The following HSD17B11 variants were observed in gnomAD, a reference collection of about 807,000 sequenced individuals.
HSD17B11 encodes the protein estradiol 17-beta-dehydrogenase 11.
HSD17B11 carries 22 observed loss-of-function variants against 27.8 expected under a neutral mutation model. The ratio of observed to expected loss-of-function variants is 0.79; its 90% CI spans 0.56 to 1.13. The LOEUF (loss-of-function observed/expected upper bound fraction) is 1.13. HSD17B11 is among the 50% of genes most tolerant of loss of function. The probability of loss-of-function intolerance (pLI) is 0.00; values close to 1 mark genes in which losing one functional copy is unlikely to be tolerated. For missense variants in HSD17B11, 314 were observed against 351.1 expected, an observed-to-expected ratio of 0.89 and a Z score of 0.84; for synonymous variants, 117 against 132.8, an observed-to-expected ratio of 0.88 and a Z score of 0.82.
chr4:87,391,149 C>G lies in HSD17B11; in HGVS notation c.-79G>C. Reference sequence around the variant, plus strand: ...AACTGCTTTTAGAGGGTAGCTCGATCTAACACCAGAAAGAGTAGGGGCGAG... The same window carrying G: ...AACTGCTTTTAGAGGGTAGCTCGATGTAACACCAGAAAGAGTAGGGGCGAG... On this transcript the variant is annotated 5_prime_UTR_variant, in exon 1 of 7. Coordinates refer to ENST00000358290, the MANE Select transcript of HSD17B11 (RefSeq NM_016245.5). 5 of 1,033,982 alleles carry G rather than the reference C, an allele frequency of 4.8e-6. No homozygotes were observed. Among genetic ancestry groups the G allele is most frequent in the Non-Finnish European group, 7.1e-6 (5 of 706,850 alleles). 64.1% of individuals were successfully genotyped at this position (1,033,982 alleles called of 1,614,324 possible).
chr4:87,380,110 C>CAAAA (rs201265561), intron 2 of HSD17B11, among the ~76,000 whole-genome samples: 1 of 119,150 alleles, frequency 8.4e-6, no homozygotes, highest in African/African-American at 3.1e-5. Flanking sequence ...GACTCTGTCT[C>CAAAA]AAAAAAAAAA....
chr4:87,386,349 T>C (rs910365603), intron 1 of HSD17B11, among the ~76,000 whole-genome samples: 1 of 152,058 alleles, frequency 6.6e-6, no homozygotes, highest in Non-Finnish European at 1.5e-5. Flanking sequence ...ATTACAGGCA[T>C]GCGCCACCAC....
In HSD17B11 at chr4:87,357,948, A is replaced by ATTTTTTTTTTTTTTTTTTTTTTT. The variant is rs748955521; in HGVS notation, c.558-533_558-532insAAAAAAAAAAAAAAAAAAAAAAA. ...TTTGTAACTGAACATTCATTAGAGA[A>ATTTTTTTTTTTTTTTTTTTTTTT]ATTTTTTTTTTTTTTTTTTTTTTTT... On this transcript the variant is annotated intron_variant, in intron 4 of 6. Transcript: ENST00000358290. Among the ~76,000 whole-genome samples, 6 of 97,316 alleles carry ATTTTTTTTTTTTTTTTTTTTTTT rather than the reference A, an allele frequency of 6.2e-5. 1 individual carries two copies. Among genetic ancestry groups the ATTTTTTTTTTTTTTTTTTTTTTT allele is most frequent in the Admixed American group, 1.0e-4 (1 of 9,830 alleles). The allele number at this position is 97,316 out of a possible 152,430, so 63.8% of individuals were successfully genotyped here.
At chr4:87,387,929 T>G (rs1720361656) in intron 1 of HSD17B11, among the ~76,000 whole-genome samples, 2 of 152,268 alleles carry the variant, frequency 1.3e-5, no homozygotes, top group African/African-American at 4.8e-5. Context: ...AGTCTCTTAC[T>G]TTACTTGTTC....
At position 87,372,806 on chromosome 4, in the gene HSD17B11, C is replaced by T. The variant is rs1156824353; in HGVS notation, c.460G>A (p.Ala154Thr). ...TTCTTCGTCATTGCAGGAAGAAATG[C>T]CTTTGTAGTCTACAAATAGTTTTTA... is the stretch of plus-strand genomic sequence containing the variant. ...NVLAHFWTTK[A>T]FLPAMTKNNH... is the part of the protein sequence containing the mutation. Residue 154 changes from alanine to threonine, a missense_variant, in exon 4 of 7, where the codon GCA (alanine) becomes ACA (threonine). By Grantham distance (58) the Ala-to-Thr change is moderately conservative (BLOSUM62 0). Coordinates refer to ENST00000358290, the MANE Select transcript of HSD17B11 (RefSeq NM_016245.5). 4 of 1,601,910 alleles carry T rather than the reference C, an allele frequency of 2.5e-6. No homozygotes were observed. Among genetic ancestry groups the T allele is most frequent in the Middle Eastern group, 3.3e-4 (2 of 6,052 alleles).
intron 4 of HSD17B11, among the ~76,000 whole-genome samples, chr4:87,369,735 C>A (rs971521514): frequency 6.6e-6 from 1 of 152,074 alleles, no homozygotes; most frequent in African/African-American, 2.4e-5. Flanking sequence ...CATGCCTGGC[C>A]CCAGATTTTT....
chr4:87,337,218 G>A lies in HSD17B11; in HGVS notation c.*58C>T, dbSNP rs1280616811. On this transcript the variant is annotated 3_prime_UTR_variant, in exon 7 of 7. Transcript: ENST00000358290. Reference sequence around the variant, plus strand: ...CAGAAGTTCAAACATTAAAATTCTGGCACTATTAGATGACATCAACCTAAA... The same window carrying A: ...CAGAAGTTCAAACATTAAAATTCTGACACTATTAGATGACATCAACCTAAA... 19 of 972,340 alleles carry A rather than the reference G, an allele frequency of 2.0e-5. No individual in the cohort carries two copies. The highest frequency in any genetic ancestry group is 2.8e-5 in the Non-Finnish European group (17 of 607,466). The allele number at this position is 972,340 out of a possible 1,614,324, so 60.2% of individuals were successfully genotyped here.
intron 4 of HSD17B11, among the ~76,000 whole-genome samples, chr4:87,363,088 T>C (rs1352830601): frequency 6.6e-6 from 1 of 152,136 alleles, no homozygotes; most frequent in African/African-American, 2.4e-5. Flanking sequence ...AATGTCTATG[T>C]TTTATCATGC....
At chr4:87,390,044 C>T (rs1217210947) in intron 1 of HSD17B11, among the ~76,000 whole-genome samples, 4 of 152,302 alleles carry the variant, frequency 2.6e-5, no homozygotes, top group African/African-American at 9.6e-5. Context: ...ACTGCAGTCT[C>T]CACCTCCCAG....
At chr4:87,346,123 C>A (rs1369963695) in intron 5 of HSD17B11, among the ~76,000 whole-genome samples, 1 of 152,120 alleles carries the variant, frequency 6.6e-6, no homozygotes, top group East Asian at 1.9e-4. Context: ...GCTCACCATA[C>A]ACAAAACAGT....
chr4:87,379,833 AT>A (rs372232287), intron 2 of HSD17B11, among the ~76,000 whole-genome samples: 51,656 of 143,666 alleles, frequency 0.36, 10,728 homozygotes, highest in African/African-American at 0.55. Flanking sequence ...TAGTATATGT[AT>A]TATACTATTA....
rs62319096 is a variant in HSD17B11, at chr4:87,371,047, C to A, written c.557+1662G>T. 6.5e-4 allele frequency among the ~76,000 whole-genome samples: 96 copies of A among 148,416 alleles called. 2 individuals carry two copies. Among genetic ancestry groups the A allele is most frequent in the Middle Eastern group, 3.4e-3 (1 of 292 alleles). On this transcript the variant is annotated intron_variant, in intron 4 of 6. Transcript: ENST00000358290. ...GATTACAGGCGTGAGCCACCGCGCC[C>A]GGCCTATTATTATTAACCTATTTTA... is the stretch of plus-strand genomic sequence containing the variant.
intron 1 of HSD17B11, among the ~76,000 whole-genome samples, chr4:87,386,297 G>A (rs184926781): frequency 2.4e-4 from 36 of 151,626 alleles, no homozygotes; most frequent in Middle Eastern, 3.4e-3. Flanking sequence ...CTGCCTTCCC[G>A]GTTCAAGTGA....
At chr4:87,389,211 AATTT>A (rs1429253901) in intron 1 of HSD17B11, among the ~76,000 whole-genome samples, 1 of 151,826 alleles carries the variant, frequency 6.6e-6, no homozygotes, top group Middle Eastern at 3.2e-3. Context: ...TTTATTTATT[AATTT>A]AATTTAATTA....
intron 4 of HSD17B11, among the ~76,000 whole-genome samples, chr4:87,362,323 C>T (rs572924620): frequency 1.3e-5 from 2 of 152,262 alleles, no homozygotes; most frequent in South Asian, 2.1e-4. Flanking sequence ...GTCAGGAGTT[C>T]GAGACCAGCT....
At chr4:87,390,027 A>G (rs927227086) in intron 1 of HSD17B11, among the ~76,000 whole-genome samples, 13 of 151,964 alleles carry the variant, frequency 8.6e-5, no homozygotes, top group African/African-American at 3.1e-4. Context: ...TGGGGCGTTT[A>G]CAGCTCACTG....
chr4:87,360,413 C>G lies in HSD17B11; in HGVS notation c.558-2997G>C, dbSNP rs548608869. On this transcript the variant is annotated intron_variant, in intron 4 of 6. Coordinates refer to ENST00000358290, the MANE Select transcript of HSD17B11 (RefSeq NM_016245.5). Reference sequence around the variant, plus strand: ...AATGATGTCTCCAAAGATTAATGTTCAAGGATAGTCCCTGGAGTGCAGTTC... The same window carrying G: ...AATGATGTCTCCAAAGATTAATGTTGAAGGATAGTCCCTGGAGTGCAGTTC... Among the ~76,000 whole-genome samples, 15 of 152,304 alleles carry G rather than the reference C, an allele frequency of 9.8e-5. No individual in the cohort carries two copies. The South Asian group carries it at 1.2e-3, about 13-fold the overall frequency.
intron 4 of HSD17B11, among the ~76,000 whole-genome samples, chr4:87,369,435 T>C (rs111889789): frequency 6.3e-5 from 7 of 111,004 alleles, no homozygotes; most frequent in African/African-American, 2.2e-4. Flanking sequence ...CCAAATTCTT[T>C]TTTTTTTTTT....
At chr4:87,383,220 A>T (rs1720219561) in intron 1 of HSD17B11, among the ~76,000 whole-genome samples, 2 of 152,190 alleles carry the variant, frequency 1.3e-5, no homozygotes, top group African/African-American at 2.4e-5. Flanking sequence ...AGGCCAGAAG[A>T]AGTTCAGATT....
Sources: gnomAD v4.1 joint callset for allele counts (sites outside exome capture counted in the v4.1 genomes callset) on GRCh38, gnomAD v4.1.1 for gene constraint, MANE v1.5 for transcripts, NCBI Gene and HGNC (gene_info 2026-07-23, HGNC 2026-07-21) for gene names.